The following RANBP3L variants were observed in gnomAD, a reference collection of about 807,000 sequenced individuals.
RANBP3L encodes the protein ran-binding protein 3-like.
Under a neutral mutation model 67.2 loss-of-function variants are expected in RANBP3L, and 56 were observed. The observed-to-expected ratio is 0.83, with a 90% CI of 0.67 to 1.04. The LOEUF (loss-of-function observed/expected upper bound fraction) is 1.04, where lower values mean the gene tolerates loss of function less well. Ranked by LOEUF, RANBP3L falls within the 50% of genes least tolerant of loss-of-function variation. The probability of loss-of-function intolerance (pLI) is 0.00; values close to 1 mark genes in which losing one functional copy is unlikely to be tolerated. For missense variants in RANBP3L, 496 were observed against 535.5 expected, an observed-to-expected ratio of 0.93 and a Z score of 0.73; for synonymous variants, 164 against 181.4, an observed-to-expected ratio of 0.90 and a Z score of 0.77.
At chr5:36,273,946 A>G (rs1210513468) in intron 1 of RANBP3L, among the ~76,000 whole-genome samples, 1 of 152,202 alleles carries the variant, frequency 6.6e-6, no homozygotes, top group Non-Finnish European at 1.5e-5. Context: ...CTCCTCTACC[A>G]ATCGCTGAGT....
chr5:36,267,887 A>G (rs1425866093), intron 4 of RANBP3L, among the ~76,000 whole-genome samples: 1 of 152,194 alleles, frequency 6.6e-6, no homozygotes, highest in Non-Finnish European at 1.5e-5. Flanking sequence ...TAGATGGACA[A>G]TAGTAAGTAA....
At chr5:36,281,107 C>T (rs1750940439) in intron 1 of RANBP3L, among the ~76,000 whole-genome samples, 1 of 152,104 alleles carries the variant, frequency 6.6e-6, no homozygotes, top group Admixed American at 6.6e-5. Flanking sequence ...AAAACCTGAG[C>T]TTTGGAGAAA....
At chr5:36,297,927 A>G (rs901456613) in intron 1 of RANBP3L, among the ~76,000 whole-genome samples, 1 of 152,170 alleles carries the variant, frequency 6.6e-6, no homozygotes, top group East Asian at 1.9e-4. Flanking sequence ...CTATGTAATC[A>G]CTTCAAAATT....
chr5:36,277,440 ATG>A (rs149996886), intron 1 of RANBP3L, among the ~76,000 whole-genome samples: 6,511 of 114,406 alleles, frequency 0.057, 211 homozygotes, highest in East Asian at 0.074. Context: ...ATATATATAT[ATG>A]TGTGTGTGTG....
At chr5:36,287,706 C>G (rs1751426530) in intron 1 of RANBP3L, among the ~76,000 whole-genome samples, 2 of 151,996 alleles carry the variant, frequency 1.3e-5, no homozygotes, top group African/African-American at 4.8e-5. Flanking sequence ...TTTATTATAC[C>G]TCAATTTATC....
At chr5:36,294,346 A>G (rs899103362) in intron 1 of RANBP3L, among the ~76,000 whole-genome samples, 2 of 151,896 alleles carry the variant, frequency 1.3e-5, no homozygotes, top group African/African-American at 4.8e-5. Context: ...TCCTTTCAAA[A>G]AACCAGCTCC....
Position 36,269,954 on chromosome 5 carries a change from G to A in RANBP3L, c.187C>T (p.Pro63Ser), listed in dbSNP as rs756147056. 37 of 1,612,888 alleles carry A rather than the reference G, an allele frequency of 2.3e-5. No homozygotes were observed. Among genetic ancestry groups the A allele is most frequent in the Non-Finnish European group, 3.1e-5 (37 of 1,178,832 alleles). ...AEDTLYEAAE[P>S]ECNGFPTKRV... ...AATACAGGATGAAAATCATTACCTG[G>A]TTCTGCTGCTTCATACAGGGTGTCT... Residue 63 changes from proline (P) to serine (S), a missense_variant, in exon 3 of 14, where the codon CCA becomes TCA. By Grantham distance (74) the Pro-to-Ser change is moderately conservative (BLOSUM62 -1). Transcript: ENST00000296604.
chr5:36,254,442 A>G (rs1217944472), intron 11 of RANBP3L, among the ~76,000 whole-genome samples: 1 of 152,042 alleles, frequency 6.6e-6, no homozygotes, highest in Non-Finnish European at 1.5e-5. Flanking sequence ...AATGTGTATT[A>G]CCTGCATAAT....
rs953048958 is a variant in RANBP3L, at chr5:36,265,965, G to A, written c.269-445C>T. On this transcript the variant is annotated intron_variant, in intron 4 of 13. Transcript: ENST00000296604. ...GCACTCCAGCCTGTGTGACAGGAGC[G>A]AGACTCCATTTCAAAAAAAAAAAAA... Among the ~76,000 whole-genome samples the A allele has an allele frequency of 2.3e-5, 3 of 130,924 alleles. No homozygotes were observed. The Admixed American group carries it at 2.5e-4, about 11-fold the overall frequency. 85.9% of individuals were successfully genotyped at this position (130,924 alleles called of 152,430 possible). A position where few individuals can be genotyped will look rare whatever the true frequency, so the allele number is the denominator to read the frequency against.
At position 36,249,321 on chromosome 5, in the gene RANBP3L, A is replaced by C. The variant is rs1561088368; in HGVS notation, c.*333T>G. 6.0e-6 allele frequency: 1 copy of C among 167,144 alleles called. No homozygotes were observed. The highest frequency in any genetic ancestry group is 2.4e-5 in the African/African-American group (1 of 42,084). The allele number at this position is 167,144 out of a possible 1,614,324, so 10.4% of individuals were successfully genotyped here. A position where few individuals can be genotyped will look rare whatever the true frequency, so the allele number is the denominator to read the frequency against. On this transcript the variant is annotated 3_prime_UTR_variant, in exon 14 of 14. Transcript: ENST00000296604. ...TAAACATTTTGTTAGGTATTTATCA[A>C]ATCTAGCAATTTATAATTCTAAGTA...
intron 6 of RANBP3L, among the ~76,000 whole-genome samples, chr5:36,263,447 T>C (rs1037160314): frequency 1.2e-4 from 19 of 152,228 alleles, no homozygotes; most frequent in African/African-American, 4.3e-4. Context: ...AAAATCTTGC[T>C]CTATATTTAT....
In RANBP3L at chr5:36,264,973, T is replaced by C; in HGVS notation, c.466A>G (p.Lys156Glu). Residue 156 changes from lysine to glutamate, a missense_variant, in exon 6 of 14, where the codon AAA becomes GAA. By Grantham distance (56) the Lys-to-Glu change is moderately conservative. Coordinates refer to ENST00000296604, the MANE Select transcript of RANBP3L (RefSeq NM_145000.5). Reference sequence around the variant, plus strand: ...GGCTTTCTCACCTTATTATTTGTTTTTTCTTTAGTCTTGCAAGATTCCAGT... The same window carrying C: ...GGCTTTCTCACCTTATTATTTGTTTCTTCTTTAGTCTTGCAAGATTCCAGT... ...KALESCKTKEKTNNKISEGNS... is the reference protein window; with the variant it reads ...KALESCKTKEETNNKISEGNS... 4 of 1,612,804 alleles carry C rather than the reference T, an allele frequency of 2.5e-6. No individual in the cohort carries two copies. The highest frequency in any genetic ancestry group is 2.2e-5 in the East Asian group (1 of 44,874).
At chr5:36,255,352 C>G in intron 11 of RANBP3L, 118 bp downstream of exon 11, 1 of 972,032 alleles carries the variant, frequency 1.0e-6, no homozygotes. Flanking sequence ...TTTCAACAGT[C>G]TGATTTTTTG....
chr5:36,253,583 T>C, intron 12 of RANBP3L, 64 bp downstream of exon 12: 1 of 1,353,990 alleles, frequency 7.4e-7, no homozygotes, highest in Non-Finnish European at 1.0e-6. Context: ...AAAAACAAAT[T>C]AGTAATTGCA....
chr5:36,264,809 T>C (rs986738762), intron 6 of RANBP3L, 150 bp downstream of exon 6: 10 of 676,936 alleles, frequency 1.5e-5, no homozygotes, highest in African/African-American at 1.3e-4. Flanking sequence ...GAGTACAACT[T>C]TGAAAAGTTT....
intron 1 of RANBP3L, among the ~76,000 whole-genome samples, chr5:36,295,033 G>A (rs1183741434): frequency 6.6e-6 from 1 of 151,460 alleles, no homozygotes; most frequent in Non-Finnish European, 1.5e-5. Context: ...TTTGTCAGTG[G>A]AGATTTGTTT....
chr5:36,294,326 A>G (rs1752032849), intron 1 of RANBP3L, among the ~76,000 whole-genome samples: 1 of 151,474 alleles, frequency 6.6e-6, no homozygotes, highest in Admixed American at 6.6e-5. Context: ...CGGTGTATCA[A>G]TTTTGTTGAT....
rs1231005518 is a variant in RANBP3L at position 36,249,102 on chromosome 5, T to C, written c.*552A>G. The C allele has an allele frequency of 6.6e-6, 1 of 152,078 alleles. No individual in the cohort carries two copies. Among genetic ancestry groups the C allele is most frequent in the Non-Finnish European group, 1.5e-5 (1 of 67,946 alleles). The allele number at this position is 152,078 out of a possible 1,614,324, so 9.4% of individuals were successfully genotyped here. A position where few individuals can be genotyped will look rare whatever the true frequency, so the allele number is the denominator to read the frequency against. ...CAGATACAAGTCCAAGAGCAGATGC[T>C]CTTTTTAAAGGAATTCATACCATGA... On this transcript the variant is annotated 3_prime_UTR_variant, in exon 14 of 14. Transcript: ENST00000296604.
intron 10 of RANBP3L, among the ~76,000 whole-genome samples, chr5:36,255,861 C>T (rs1038338570): frequency 1.1e-4 from 16 of 152,048 alleles, no homozygotes; most frequent in Admixed American, 5.2e-4. Flanking sequence ...CAACAAGTAA[C>T]CACTGGTGTA....
Sources: gnomAD v4.1 joint callset for allele counts (sites outside exome capture counted in the v4.1 genomes callset) on GRCh38, gnomAD v4.1.1 for gene constraint, MANE v1.5 for transcripts, NCBI Gene and HGNC (gene_info 2026-07-23, HGNC 2026-07-21) for gene names.